Variants in AGO1 observed in about 807,000 individuals in gnomAD.
AGO1 encodes protein argonaute-1.
A neutral mutation model predicts 109.2 loss-of-function variants in AGO1; 11 were observed. That is an observed-to-expected ratio of 0.10 (90% CI 0.06 to 0.17). The LOEUF (loss-of-function observed/expected upper bound fraction) is 0.17, where lower values mean the gene tolerates loss of function less well. AGO1 is among the 10% of genes least tolerant of loss of function. The pLI, the probability that AGO1 is intolerant of heterozygous loss-of-function variation, is 1.00. For synonymous variants in AGO1, 422 were observed against 418.6 expected (o/e 1.01, Z -0.10); for missense variants, 574 against 1,140.3 (o/e 0.50, Z 7.15).
intron 2 of AGO1, among the ~76,000 whole-genome samples, chr1:35,890,617 A>G (rs1571345170): frequency 6.6e-6 from 1 of 152,178 alleles, no homozygotes; most frequent in South Asian, 2.1e-4. Flanking sequence ...ATATTATTAT[A>G]TATAGATTCA....
At chr1:35,875,797 T>G (rs1644988098) in intron 1 of AGO1, among the ~76,000 whole-genome samples, 1 of 152,228 alleles carries the variant, frequency 6.6e-6, no homozygotes, top group African/African-American at 2.4e-5. Context: ...TCCTTGACAG[T>G]GCACCTGGTC....
chr1:35,911,772 C>G (rs1367863278), intron 12 of AGO1, among the ~76,000 whole-genome samples: 1 of 152,128 alleles, frequency 6.6e-6, no homozygotes, highest in Admixed American at 6.5e-5. Context: ...CCTCTATACA[C>G]TAATTTTTTT....
At chr1:35,886,025 G>A (rs1193455231) in intron 1 of AGO1, among the ~76,000 whole-genome samples, 2 of 152,144 alleles carry the variant, frequency 1.3e-5, no homozygotes, top group Admixed American at 6.5e-5. Context: ...TGGGAGGTGT[G>A]TGGGCCTCAG....
At chr1:35,869,888 G>A (rs542200905) in exon 1 of AGO1, 17 of 152,288 alleles carry the variant, frequency 1.1e-4, no homozygotes, top group African/African-American at 4.1e-4. Flanking sequence ...GGGAAGAATT[G>A]GAGGACTATA....
At chr1:35,889,392 A>AC (rs1210554088) in intron 2 of AGO1, among the ~76,000 whole-genome samples, 1 of 151,580 alleles carries the variant, frequency 6.6e-6, no homozygotes, top group Non-Finnish European at 1.5e-5. Context: ...TTGTATTTTT[A>AC]GTAGAGACGG....
chr1:35,870,573 C>G (rs1644941563), intron 1 of AGO1, among the ~76,000 whole-genome samples: 1 of 152,150 alleles, frequency 6.6e-6, no homozygotes, highest in South Asian at 2.1e-4. Context: ...TGAGCCACCG[C>G]GCCTGGCCAT....
chr1:35,889,487 C>T (rs1645178544), intron 2 of AGO1, among the ~76,000 whole-genome samples: 2 of 151,960 alleles, frequency 1.3e-5, no homozygotes, highest in African/African-American at 2.4e-5. Context: ...GCTGGGATTA[C>T]AGGCGTGAGC....
At position 35,893,944 on chromosome 1, in the gene AGO1, A is replaced by G. The variant is rs1229514216; in HGVS notation, c.650-93A>G. ...CCTGGCACCCCCTTCCCCCATCCCA[A>G]TGCCCTTTAAGGAAGAGGGTATAAA... On this transcript the variant is annotated intron_variant, in intron 5 of 18. Coordinates refer to ENST00000373204, the MANE Select transcript of AGO1 (RefSeq NM_012199.5). This position sits in a 1 kb window ranked among gnomAD's most constrained non-coding sequence, Gnocchi z 5.6. 24 of 1,522,776 alleles carry G rather than the reference A, an allele frequency of 1.6e-5. No homozygotes were observed. Among genetic ancestry groups the G allele is most frequent in the Non-Finnish European group, 2.0e-5 (23 of 1,132,168 alleles). 94.3% of individuals were successfully genotyped at this position (1,522,776 alleles called of 1,614,324 possible).
intron 2 of AGO1, among the ~76,000 whole-genome samples, chr1:35,889,077 A>G (rs529263764): frequency 2.1e-3 from 315 of 151,250 alleles, no homozygotes; most frequent in Non-Finnish European, 3.3e-3. Flanking sequence ...TTGATGAGGC[A>G]GAAGGACAGA....
rs1238748148 is a variant in AGO1 at position 35,895,143 on chromosome 1, T to C, written c.894T>C (p.Ser298=). The C allele has an allele frequency of 5.0e-6, 8 of 1,611,478 alleles. No homozygotes were observed. The highest frequency in any genetic ancestry group is 1.1e-5 in the South Asian group (1 of 90,812). ...ACAGATTCCCCTTACAGCTGGAGAG[T>C]GGACAGACTGTGGAGTGCACAGTGG... ...SHQTFPLQLE[S]GQTVECTVAQ... The change falls in exon 8 of 19, where the codon AGT becomes AGC. Residue 298 remains serine, a synonymous_variant. Coordinates refer to ENST00000373204, the MANE Select transcript of AGO1 (RefSeq NM_012199.5).
At position 35,913,945 on chromosome 1, in the gene AGO1, C is replaced by T. The variant is rs1205604565; in HGVS notation, c.1686C>T (p.Cys562=). The change falls in exon 13 of 19, where the codon TGC becomes TGT. Residue 562 remains cysteine, a synonymous_variant. Transcript: ENST00000373204. ...CACCTCAGACTCTGTCCAACCTCTG[C>T]CTCAAGATCAATGTCAAACTTGGTG... ...KTSPQTLSNL[C]LKINVKLGGI... 2 of 1,614,112 alleles carry T rather than the reference C, an allele frequency of 1.2e-6. No individual in the cohort carries two copies. The highest frequency in any genetic ancestry group is 3.3e-5 in the Admixed American group (2 of 60,002).
intron 12 of AGO1, among the ~76,000 whole-genome samples, chr1:35,909,877 GAAT>G (rs1301788846): frequency 6.6e-6 from 1 of 151,964 alleles, no homozygotes; most frequent in African/African-American, 2.4e-5. Context: ...GAACTTCCTT[GAAT>G]AAGTATTCAT....
intron 1 of AGO1, among the ~76,000 whole-genome samples, chr1:35,872,324 T>G (rs1644958382): frequency 6.6e-6 from 1 of 151,434 alleles, no homozygotes; most frequent in Non-Finnish European, 1.5e-5. Context: ...TAGTCGGGAT[T>G]ACAGGCATGT....
At position 35,904,166 on chromosome 1, in the gene AGO1, C is replaced by A. The variant is rs112593024; in HGVS notation, c.1397+1829C>A. ...TCTCTCTGTCGTCCAGGTGCAGTGG[C>A]GCCATCTCGGCTCACTGCAAGCTCC... On this transcript the variant is annotated intron_variant, in intron 11 of 18. Coordinates refer to ENST00000373204, the MANE Select transcript of AGO1 (RefSeq NM_012199.5). Among the ~76,000 whole-genome samples, 196 of 138,194 alleles carry A rather than the reference C, an allele frequency of 1.4e-3. 1 individual carries two copies. The highest frequency in any genetic ancestry group is 5.0e-3 in the African/African-American group (183 of 36,550). The allele number at this position is 138,194 out of a possible 152,430, so 90.7% of individuals were successfully genotyped here.
intron 2 of AGO1, among the ~76,000 whole-genome samples, chr1:35,890,446 ATTTTTCCACTTAACAATATAT>A (rs1394851644): frequency 2.0e-5 from 3 of 152,132 alleles, no homozygotes; most frequent in Non-Finnish European, 4.4e-5. Flanking sequence ...TATACTTTGC[ATTTTTCCACTTAACAATATAT>A]TTTTGAAGAT....
chr1:35,911,141 TC>T (rs2148721316), intron 12 of AGO1, among the ~76,000 whole-genome samples: 1 of 152,306 alleles, frequency 6.6e-6, no homozygotes, highest in African/African-American at 2.4e-5. Context: ...TAACCATTTT[TC>T]TTGGGAGTAT....
Position 35,929,638 on chromosome 1 carries a change from A to G in AGO1, c.*10031A>G, listed in dbSNP as rs568710793. 6.6e-6 allele frequency: 1 copy of G among 152,188 alleles called. No homozygotes were observed. The highest frequency in any genetic ancestry group is 2.4e-5 in the African/African-American group (1 of 41,442). 9.4% of individuals were successfully genotyped at this position (152,188 alleles called of 1,614,324 possible). A position where few individuals can be genotyped will look rare whatever the true frequency, so the allele number is the denominator to read the frequency against. On this transcript the variant is annotated 3_prime_UTR_variant, in exon 19 of 19. Coordinates refer to ENST00000373204, the MANE Select transcript of AGO1 (RefSeq NM_012199.5). ...GTTTCATCTGGTGACATTTAATTTG[A>G]TATTTTAAAATTGGGGAGGGTATTT...
At position 35,926,875 on chromosome 1, in the gene AGO1, A is replaced by C. The variant is rs1645938762; in HGVS notation, c.*7268A>C. On this transcript the variant is annotated 3_prime_UTR_variant, in exon 19 of 19. Coordinates refer to ENST00000373204, the MANE Select transcript of AGO1 (RefSeq NM_012199.5). ...TTTGTGGCTTACCCTGCAGGAACATACTGTGTCCTGTTGTTCTGGACTGTA... is the reference window on the plus strand; with the variant it reads ...TTTGTGGCTTACCCTGCAGGAACATCCTGTGTCCTGTTGTTCTGGACTGTA... The C allele has an allele frequency of 6.6e-6, 1 of 150,768 alleles. No individual in the cohort carries two copies. The highest frequency in any genetic ancestry group is 1.9e-4 in the East Asian group (1 of 5,134). The allele number at this position is 150,768 out of a possible 1,614,324, so 9.3% of individuals were successfully genotyped here.
chr1:35,878,226 G>A (rs1013256081), upstream of AGO1, among the ~76,000 whole-genome samples: 1 of 151,760 alleles, frequency 6.6e-6, no homozygotes, highest in African/African-American at 2.4e-5. Context: ...TGGGACTTTA[G>A]GCACCCACCA....
Sources: gnomAD v4.1 joint callset for allele counts (sites outside exome capture counted in the v4.1 genomes callset) on GRCh38, gnomAD v4.1.1 for gene constraint, Gnocchi (gnomAD v3.1) non-coding constraint, MANE v1.5 for transcripts, NCBI Gene and HGNC (gene_info 2026-07-23, HGNC 2026-07-21) for gene names.